The following ZNF804B variants were observed in gnomAD, a reference collection of about 807,000 sequenced individuals.
ZNF804B encodes zinc finger protein 804B.
Under a neutral mutation model 101.4 loss-of-function variants are expected in ZNF804B, and 80 were observed. The ratio of observed to expected loss-of-function variants is 0.79; its 90% CI spans 0.66 to 0.95. The LOEUF (loss-of-function observed/expected upper bound fraction) is 0.95, where lower values mean the gene tolerates loss of function less well. ZNF804B is among the 40% of genes least tolerant of loss of function. The pLI is 0.00. For synonymous variants in ZNF804B, 622 were observed against 558.8 expected (o/e 1.11, Z -1.59); for missense variants, 1,673 against 1,561.9 (o/e 1.07, Z -1.20).
intron 1 of ZNF804B, among the ~76,000 whole-genome samples, chr7:89,010,473 T>A (rs1023777129): frequency 4.6e-5 from 7 of 152,202 alleles, no homozygotes; most frequent in Admixed American, 1.3e-4. Context: ...TTCTGGTATT[T>A]AGGTAACATG....
intron 1 of ZNF804B, among the ~76,000 whole-genome samples, chr7:89,054,611 AT>A (rs1296314188): frequency 1.3e-5 from 2 of 151,906 alleles, no homozygotes; most frequent in Non-Finnish European, 2.9e-5. Flanking sequence ...CTTTTTTTTC[AT>A]TTTTGTTATC....
chr7:88,926,938 G>GCGGCC (rs113089451), intron 1 of ZNF804B, among the ~76,000 whole-genome samples: 34 of 142,598 alleles, frequency 2.4e-4, no homozygotes, highest in African/African-American at 8.3e-4. Context: ...CCGGGTGGTG[G>GCGGCC]GGAGCGGGGG....
At chr7:88,874,010 G>A (rs2115887642) in intron 1 of ZNF804B, among the ~76,000 whole-genome samples, 1 of 152,276 alleles carries the variant, frequency 6.6e-6, no homozygotes, top group Non-Finnish European at 1.5e-5. Flanking sequence ...TGGGAAGAAA[G>A]TCTTTGGTAG....
chr7:89,057,050 T>G (rs1463728691), intron 1 of ZNF804B, among the ~76,000 whole-genome samples: 2 of 152,086 alleles, frequency 1.3e-5, no homozygotes, highest in African/African-American at 4.8e-5. Flanking sequence ...CCCATTTCTC[T>G]GAGGGGGTCC....
At chr7:89,073,013 T>A (rs1043531586) in intron 1 of ZNF804B, among the ~76,000 whole-genome samples, 3 of 152,110 alleles carry the variant, frequency 2.0e-5, no homozygotes, top group African/African-American at 7.2e-5. Flanking sequence ...TTATGGATAA[T>A]CAAGTTTGAA....
intron 1 of ZNF804B, among the ~76,000 whole-genome samples, chr7:89,075,984 C>T (rs541186373): frequency 1.3e-4 from 20 of 152,286 alleles, no homozygotes; most frequent in African/African-American, 4.8e-4. Flanking sequence ...CCATTTGGAA[C>T]AGCTGTATTT....
At chr7:89,266,429 A>C (rs13229662) in intron 2 of ZNF804B, among the ~76,000 whole-genome samples, 25,497 of 152,088 alleles carry the variant, frequency 0.17, 2,701 homozygotes, top group African/African-American at 0.29. Context: ...ACTATAAATA[A>C]ATATATCTAG....
intron 2 of ZNF804B, among the ~76,000 whole-genome samples, chr7:89,277,980 T>A (rs904245274): frequency 7.9e-5 from 12 of 152,112 alleles, no homozygotes; most frequent in Non-Finnish European, 1.5e-4. Flanking sequence ...TGTAAAAGTG[T>A]TCTTATTTCT....
intron 1 of ZNF804B, among the ~76,000 whole-genome samples, chr7:88,949,640 T>C (rs1793187769): frequency 6.6e-6 from 1 of 151,956 alleles, no homozygotes; most frequent in African/African-American, 2.4e-5. Context: ...CCTTATATAT[T>C]TGATACTATT....
chr7:89,148,782 G>A (rs1790827207), intron 1 of ZNF804B, among the ~76,000 whole-genome samples: 1 of 152,020 alleles, frequency 6.6e-6, no homozygotes, highest in Non-Finnish European at 1.5e-5. Flanking sequence ...AATAAATTAT[G>A]TTGTATTGAC....
intron 1 of ZNF804B, among the ~76,000 whole-genome samples, chr7:89,189,521 C>T (rs562942604): frequency 7.2e-5 from 11 of 152,202 alleles, no homozygotes; most frequent in Non-Finnish European, 1.2e-4. Context: ...AATGAGCGGG[C>T]TGATACAAAG....
At chr7:88,782,036 C>T (rs1790235376) in intron 1 of ZNF804B, among the ~76,000 whole-genome samples, 1 of 151,912 alleles carries the variant, frequency 6.6e-6, no homozygotes, top group Non-Finnish European at 1.5e-5. Flanking sequence ...TCATAATTTG[C>T]TGCCTTATAA....
In ZNF804B at chr7:89,336,240, T is replaced by C. The variant is rs187475700; in HGVS notation, c.3258T>C (p.Thr1086=). 159 of 1,613,860 alleles carry C rather than the reference T, an allele frequency of 9.9e-5. No homozygotes were observed. The highest frequency in any genetic ancestry group is 1.3e-4 in the Non-Finnish European group (154 of 1,179,950). ...CGTCTAATAAATATACTGGTGTGAC[T>C]GATTCAACAGAGACCCAAGAAGACC... ...AFPSNKYTGV[T]DSTETQEDQI... Residue 1086 remains threonine, a synonymous_variant, in exon 4 of 4, where the codon ACT becomes ACC. Transcript: ENST00000333190.
chr7:88,797,715 C>T (rs1394975428), intron 1 of ZNF804B, among the ~76,000 whole-genome samples: 1 of 152,148 alleles, frequency 6.6e-6, no homozygotes, highest in Non-Finnish European at 1.5e-5. Flanking sequence ...CTGTTCCTTA[C>T]TGACAGCCCA....
chr7:88,977,274 T>G (rs936414116), intron 1 of ZNF804B, among the ~76,000 whole-genome samples: 2 of 140,172 alleles, frequency 1.4e-5, no homozygotes, highest in African/African-American at 5.9e-5. Flanking sequence ...TTTGGAAGTA[T>G]TCCTTCATCC....
chr7:88,841,194 A>G (rs942090184), intron 1 of ZNF804B, among the ~76,000 whole-genome samples: 1 of 152,162 alleles, frequency 6.6e-6, no homozygotes, highest in African/African-American at 2.4e-5. Context: ...TAGGAATGTC[A>G]TTGTTTAGGA....
At chr7:88,989,210 AT>A (rs1793808721) in intron 1 of ZNF804B, among the ~76,000 whole-genome samples, 1 of 151,794 alleles carries the variant, frequency 6.6e-6, no homozygotes, top group African/African-American at 2.4e-5. Flanking sequence ...GTTGGCCAGG[AT>A]GGTCTTGATC....
intron 1 of ZNF804B, among the ~76,000 whole-genome samples, chr7:89,096,505 C>G (rs955201051): frequency 6.6e-6 from 1 of 152,116 alleles, no homozygotes; most frequent in Non-Finnish European, 1.5e-5. Context: ...TTAGTGGTTG[C>G]TTTCGACTCA....
intron 2 of ZNF804B, among the ~76,000 whole-genome samples, chr7:89,290,844 T>A (rs183277960): frequency 1.3e-5 from 2 of 152,160 alleles, no homozygotes; most frequent in African/African-American, 4.8e-5. Context: ...TAAGACCCAG[T>A]GCTGTGCTGG....
Sources: gnomAD v4.1 joint callset for allele counts (sites outside exome capture counted in the v4.1 genomes callset) on GRCh38, gnomAD v4.1.1 for gene constraint, MANE v1.5 for transcripts, NCBI Gene and HGNC (gene_info 2026-07-23, HGNC 2026-07-21) for gene names.